The following PSMA4 variants were observed in gnomAD, a reference collection of about 807,000 sequenced individuals.
The protein encoded by PSMA4 is proteasome 20S subunit alpha 4, also known as proteasome subunit alpha type-4.
Under a neutral mutation model 37.2 loss-of-function variants are expected in PSMA4, and 8 were observed. The ratio of observed to expected loss-of-function variants is 0.22; its 90% CI spans 0.13 to 0.39. PSMA4 has a LOEUF of 0.39. PSMA4 is among the 10% of genes least tolerant of loss of function. PSMA4 has a pLI of 1.00. For synonymous variants in PSMA4, 93 were observed against 98.8 expected, an observed-to-expected ratio of 0.94 and a Z score of 0.35; for missense variants, 169 against 305.1, an observed-to-expected ratio of 0.55 and a Z score of 3.32.
chr15:78,547,818 CAG>C (rs530785709), intron 8 of PSMA4, among the ~76,000 whole-genome samples: 1 of 151,608 alleles, frequency 6.6e-6, no homozygotes, highest in African/African-American at 2.4e-5. Flanking sequence ...GCGTGGGTGA[CAG>C]AGAGAGACTC....
chr15:78,551,899 A>G lies in PSMA4; in HGVS notation c.*2955A>G, dbSNP rs2052648440. ...AGAGCCTGGTATAGTTTGCCGCCAC[A>G]TTAGGAAAGTCTTCAGAATTTGACC... On this transcript the variant is annotated 3_prime_UTR_variant, in exon 9 of 9. Transcript: ENST00000044462. The G allele has an allele frequency of 1.3e-5, 2 of 152,158 alleles. No homozygotes were observed. Among genetic ancestry groups the G allele is most frequent in the South Asian group, 4.1e-4 (2 of 4,820 alleles). 9.4% of individuals were successfully genotyped at this position (152,158 alleles called of 1,614,324 possible).
At position 78,545,615 on chromosome 15, in the gene PSMA4, CTTT is replaced by C; in HGVS notation, c.377-14_377-12del. 2 of 1,612,332 alleles carry C rather than the reference CTTT, an allele frequency of 1.2e-6. No individual in the cohort carries two copies. The highest frequency in any genetic ancestry group is 1.7e-6 in the Non-Finnish European group (2 of 1,178,548). On this transcript the variant is annotated splice_polypyrimidine_tract_variant and intron_variant, in intron 6 of 8. Transcript: ENST00000044462. Reference sequence around the variant, plus strand: ...AAATTTAGATTATTGATATGTTTGGCTTTTTTTCTTTGTTAAAGGAAAACGTCC... The same window carrying C: ...AAATTTAGATTATTGATATGTTTGGCTTTTCTTTGTTAAAGGAAAACGTCC...
At chr15:78,540,985 CTG>C (rs1190346796) in intron 1 of PSMA4, 2 of 152,354 alleles carry the variant, frequency 1.3e-5, no homozygotes, top group Non-Finnish European at 2.9e-5. Context: ...CTTCTCTGCT[CTG>C]TGCCATCCTT....
At chr15:78,544,640 T>C in intron 5 of PSMA4, 1 of 489,190 alleles carries the variant, frequency 2.0e-6, no homozygotes, top group East Asian at 3.4e-5. Flanking sequence ...TTGCAAAGAT[T>C]AAAGTCATTA....
At chr15:78,541,861 T>C in intron 1 of PSMA4, 44 bp from the exon 2 acceptor site, 1 of 1,465,586 alleles carries the variant, frequency 6.8e-7, no homozygotes, top group Non-Finnish European at 9.5e-7. Context: ...TGCTTTTTAA[T>C]TTGTGAATCT....
chr15:78,542,420 T>G, intron 3 of PSMA4, 63 bp from the exon 4 acceptor site: 1 of 1,553,828 alleles, frequency 6.4e-7, no homozygotes, highest in Non-Finnish European at 8.7e-7. Context: ...GCTGATTTCT[T>G]TTGGGCCAGT....
intron 4 of PSMA4, among the ~76,000 whole-genome samples, chr15:78,542,915 C>T (rs1362050895): frequency 6.6e-6 from 1 of 152,218 alleles, no homozygotes; most frequent in Non-Finnish European, 1.5e-5. Context: ...TTCACCCATG[C>T]AGGCTATGTG....
chr15:78,549,024 CT>C lies in PSMA4; in HGVS notation c.*87del. 3 of 1,476,048 alleles carry C rather than the reference CT, an allele frequency of 2.0e-6. No homozygotes were observed. Among genetic ancestry groups the C allele is most frequent in the East Asian group, 2.4e-5 (1 of 41,748 alleles). The allele number at this position is 1,476,048 out of a possible 1,614,324, so 91.4% of individuals were successfully genotyped here. ...ACTCTTCCACACTAGGAAGGCTTTA[CT>C]TTTTTTAACTGGTGCAGTGGGAAAA... On this transcript the variant is annotated 3_prime_UTR_variant, in exon 9 of 9. Transcript: ENST00000044462.
At chr15:78,546,774 T>C (rs2052561117) in intron 8 of PSMA4, 76 bp downstream of exon 8, 3 of 1,489,132 alleles carry the variant, frequency 2.0e-6, no homozygotes, top group Non-Finnish European at 2.7e-6. Context: ...TTTTCTTTTT[T>C]TTTTTTTTTT....
chr15:78,552,041 T>C lies in PSMA4; in HGVS notation c.*3097T>C, dbSNP rs1296653070. ...CTACTCTTTAACTGTGAGTTTTTTT[T>C]CCTTGCGATGGGGTTTGGCTGCCTA... On this transcript the variant is annotated 3_prime_UTR_variant, in exon 9 of 9. Coordinates refer to ENST00000044462, the MANE Select transcript of PSMA4 (RefSeq NM_002789.6). The C allele has an allele frequency of 6.6e-6, 1 of 152,210 alleles. No individual in the cohort carries two copies. The highest frequency in any genetic ancestry group is 1.5e-5 in the Non-Finnish European group (1 of 68,040). 9.4% of individuals were successfully genotyped at this position (152,210 alleles called of 1,614,324 possible). A position where few individuals can be genotyped will look rare whatever the true frequency, so the allele number is the denominator to read the frequency against.
At position 78,552,148 on chromosome 15, in the gene PSMA4, AGT is replaced by A. The variant is rs2052651822; in HGVS notation, c.*3207_*3208del. ...GAGTTGCAGGACAGGTGGTTTCCAG[AGT>A]GTTGCCTGATGCATCCCAAATGCTG... On this transcript the variant is annotated 3_prime_UTR_variant, in exon 9 of 9. Transcript: ENST00000044462. 2.6e-5 allele frequency: 4 copies of A among 152,184 alleles called. No homozygotes were observed. The South Asian group carries it at 8.3e-4, about 31-fold the overall frequency. The allele number at this position is 152,184 out of a possible 1,614,324, so 9.4% of individuals were successfully genotyped here.
At chr15:78,545,900 C>A in intron 7 of PSMA4, 136 bp downstream of exon 7, 1 of 972,492 alleles carries the variant, frequency 1.0e-6, no homozygotes, top group East Asian at 2.5e-5. Context: ...TCTGTGATTT[C>A]TGTTGGTGAC....
At chr15:78,543,126 C>G (rs976026601) in intron 4 of PSMA4, among the ~76,000 whole-genome samples, 1 of 152,186 alleles carries the variant, frequency 6.6e-6, no homozygotes, top group Admixed American at 6.5e-5. Context: ...TTAGAGGTCT[C>G]GAAGAATTTA....
intron 4 of PSMA4, 77 bp downstream of exon 4, chr15:78,542,722 G>C (rs1480188381): frequency 2.3e-6 from 3 of 1,330,556 alleles, no homozygotes; most frequent in Middle Eastern, 2.2e-4. Flanking sequence ...ATTTGGGAGG[G>C]CTCTTCCGTG....
chr15:78,547,282 A>C (rs944968157), intron 8 of PSMA4, among the ~76,000 whole-genome samples: 13 of 152,248 alleles, frequency 8.5e-5, no homozygotes, highest in African/African-American at 3.1e-4. Context: ...ACTCACAGAT[A>C]GACATCCTGC....
intron 3 of PSMA4, 59 bp downstream of exon 3, chr15:78,542,278 G>GA (rs928893230): frequency 5.8e-4 from 868 of 1,508,748 alleles, no homozygotes; most frequent in Non-Finnish European, 6.5e-4. Context: ...TAGACTTTTA[G>GA]AAAAAAAAAT....
intron 3 of PSMA4, 111 bp downstream of exon 3, chr15:78,542,330 A>C (rs927691605): frequency 7.1e-7 from 1 of 1,399,864 alleles, no homozygotes; most frequent in Non-Finnish European, 9.8e-7. Context: ...TCCTTTTTGT[A>C]CTTTGAAGCA....
chr15:78,544,512 G>A lies in PSMA4; in HGVS notation c.287+245G>A, dbSNP rs2052516819. On this transcript the variant is annotated intron_variant, in intron 5 of 8. Coordinates refer to ENST00000044462, the MANE Select transcript of PSMA4 (RefSeq NM_002789.6). ...GACGGGGTTTCACTGTGTTAGCCAG[G>A]ATGGTCTCGATTTCCTGACCTCGTG... 1.3e-5 allele frequency: 6 copies of A among 455,000 alleles called. No homozygotes were observed. The Admixed American group carries it at 1.5e-4, about 12-fold the overall frequency. 28.2% of individuals were successfully genotyped at this position (455,000 alleles called of 1,614,324 possible).
intron 7 of PSMA4, 132 bp from the exon 8 acceptor site, chr15:78,546,441 CCT>C: frequency 1.5e-6 from 1 of 681,576 alleles, no homozygotes; most frequent in Non-Finnish European, 2.3e-6. Flanking sequence ...AGAGTGAGCC[CCT>C]GTGTCAAAAA....
Sources: gnomAD v4.1 joint callset for allele counts (sites outside exome capture counted in the v4.1 genomes callset) on GRCh38, gnomAD v4.1.1 for gene constraint, MANE v1.5 for transcripts, NCBI Gene and HGNC (gene_info 2026-07-23, HGNC 2026-07-21) for gene names.